PDZD4: variants seen among roughly 807,000 people sequenced by gnomAD.
The protein encoded by PDZD4 is PDZ domain containing 4, also known as PDZ domain-containing protein 4.
Under a neutral mutation model 38.5 loss-of-function variants are expected in PDZD4, and 9 were observed. The observed-to-expected ratio is 0.23, with a 90% CI of 0.14 to 0.41. PDZD4 has a LOEUF of 0.41. Ranked by LOEUF, PDZD4 falls within the 10% of genes least tolerant of loss-of-function variation. The pLI is 1.00. For missense variants in PDZD4, 612 were observed against 722.0 expected, an observed-to-expected ratio of 0.85 and a Z score of 1.75; for synonymous variants, 349 against 315.7, an observed-to-expected ratio of 1.11 and a Z score of -1.12.
intron 1 of PDZD4, among the ~76,000 whole-genome samples, chrX:153,818,617 C>G (rs1052019978): frequency 9.3e-6 from 1 of 107,791 alleles, no homozygotes; most frequent in African/African-American, 3.4e-5. Flanking sequence ...GGAGGGAAGC[C>G]GAGGAGCTGC....
At chrX:153,820,799 T>C (rs1557081135) in intron 1 of PDZD4, among the ~76,000 whole-genome samples, 1 of 111,443 alleles carries the variant, frequency 9.0e-6, no homozygotes, top group Non-Finnish European at 1.9e-5. Flanking sequence ...CAGCCCTGCA[T>C]CTGGCGGCTG....
intron 1 of PDZD4, chrX:153,829,990 C>T: frequency 1.3e-6 from 1 of 752,251 alleles, no homozygotes; most frequent in Non-Finnish European, 1.7e-6. Flanking sequence ...CATCCCGCGC[C>T]CGCCGCACCG....
intron 1 of PDZD4, among the ~76,000 whole-genome samples, chrX:153,817,370 G>A (rs782682570): frequency 8.9e-6 from 1 of 111,960 alleles, no homozygotes; most frequent in East Asian, 2.8e-4. Flanking sequence ...ACCAAGACTC[G>A]GAGGCAACCC....
At position 153,804,326 on chromosome X, in the gene PDZD4, C is replaced by G; in HGVS notation, c.1355G>C (p.Ser452Thr). 2 of 1,207,285 alleles carry G rather than the reference C, an allele frequency of 1.7e-6. No homozygotes were observed. The highest frequency in any genetic ancestry group is 2.2e-6 in the Non-Finnish European group (2 of 894,380). The change falls in exon 8 of 8, where the codon AGC becomes ACC. Residue 452 changes from serine (S) to threonine (T), a missense_variant. Physicochemically the swap from Ser to Thr is moderately conservative, Grantham distance 58. Coordinates refer to ENST00000393758, the MANE Select transcript of PDZD4 (RefSeq NM_001303512.2). ...GGACAGCTCGTGCTTCTTGGGCTCG[C>G]TGGCCGCCAGGTCGTAGAGGCTCTC... ...EEESLYDLAASEPKKHELSDI... is the reference protein window; with the variant it reads ...EEESLYDLAATEPKKHELSDI...
Position 153,804,208 on chromosome X carries a change from C to T in PDZD4, c.1473G>A (p.Glu491=). ...ESCRSTPLLV[E]PLPESPLRRA... ...GCCGCAGGGGGCTCTCGGGCAGGGG[C>T]TCCACAAGCAGCGGGGTGCTGCGGC... is the stretch of plus-strand genomic sequence containing the variant. The change falls in exon 8 of 8, where the codon GAG becomes GAA. Residue 491 remains glutamate, a synonymous_variant. Transcript: ENST00000393758. 1 of 1,203,097 alleles carries T rather than the reference C, an allele frequency of 8.3e-7. No homozygotes were observed. The highest frequency in any genetic ancestry group is 1.1e-6 in the Non-Finnish European group (1 of 891,490).
At position 153,804,424 on chromosome X, in the gene PDZD4, G is replaced by T; in HGVS notation, c.1257C>A (p.Cys419Ter). ...TCTTCTGCGCCCGCAGTATGTTGCG[G>T]CACTTGAATTCCAGGTGCCTTAGCT... ...EEELRHLEFK[C>*]RNILRAQKMQ... Residue 419 changes from cysteine to a stop codon, truncating the protein, a stop_gained, in exon 8 of 8, where the codon TGC becomes TGA. Transcript: ENST00000393758. LOFTEE classifies it high-confidence loss of function. The T allele has an allele frequency of 8.3e-7, 1 of 1,210,034 alleles. No homozygotes were observed.
chrX:153,808,494 G>C lies in PDZD4; in HGVS notation c.162C>G (p.Pro54=), dbSNP rs1557077998. Residue 54 remains proline (P), a synonymous_variant, in exon 2 of 8, where the codon CCC becomes CCG. Coordinates refer to ENST00000393758, the MANE Select transcript of PDZD4 (RefSeq NM_001303512.2). Reference sequence around the variant, plus strand: ...GACAGGAGCTGTCCCCCCGGAGGCGGGGGCTGCGTCTCAGCACCTGGATCA... The same window carrying C: ...GACAGGAGCTGTCCCCCCGGAGGCGCGGGCTGCGTCTCAGCACCTGGATCA... ...PLVIQVLRRS[P]RLRGDSSCHD... is the part of the protein sequence containing the mutation. The C allele has an allele frequency of 2.5e-6, 3 of 1,210,790 alleles. No homozygotes were observed. Among genetic ancestry groups the C allele is most frequent in the Admixed American group, 2.2e-5 (1 of 46,079 alleles).
chrX:153,826,990 T>G (rs2064488923), intron 1 of PDZD4, among the ~76,000 whole-genome samples: 1 of 112,039 alleles, frequency 8.9e-6, no homozygotes, highest in Admixed American at 9.5e-5. Context: ...GAAATTAATA[T>G]GGAAACTTGA....
At chrX:153,819,407 G>C (rs1312635054) in intron 1 of PDZD4, among the ~76,000 whole-genome samples, 1 of 112,773 alleles carries the variant, frequency 8.9e-6, no homozygotes, top group Non-Finnish European at 1.9e-5. Flanking sequence ...AATCCCAAGT[G>C]CTTGTCACAC....
At chrX:153,814,833 C>T (rs782038717) in intron 1 of PDZD4, among the ~76,000 whole-genome samples, 52 of 111,674 alleles carry the variant, frequency 4.7e-4, no homozygotes, top group Admixed American at 6.6e-4. Flanking sequence ...GAGGTCACCC[C>T]GTGGCAGTCA....
rs1350662054 is a variant in PDZD4 at position 153,804,075 on chromosome X, G to A, written c.1606C>T (p.Leu536Phe). ...PPGSPAKFRS[L>F]SRDPEAGRRQ... is the part of the protein sequence containing the mutation. ...CGGCCGGCCTCAGGATCCCGGGAGA[G>A]GGACCGGAACTTGGCGGGGCTCCCC... The change falls in exon 8 of 8, where the codon CTC (leucine) becomes TTC (phenylalanine). Residue 536 changes from leucine (L) to phenylalanine (F), a missense_variant. Leu to Phe is a conservative substitution (Grantham distance 22). Transcript: ENST00000393758. 8.6e-7 allele frequency: 1 copy of A among 1,157,221 alleles called. No individual in the cohort carries two copies. The highest frequency in any genetic ancestry group is 1.1e-6 in the Non-Finnish European group (1 of 871,578).
intron 1 of PDZD4, among the ~76,000 whole-genome samples, chrX:153,821,123 A>C (rs1289083510): frequency 5.4e-5 from 6 of 111,787 alleles, no homozygotes; most frequent in Non-Finnish European, 9.4e-5. Context: ...CACGCCCCCA[A>C]CTGTGGCCTC....
chrX:153,816,292 G>T (rs998976851), intron 1 of PDZD4, among the ~76,000 whole-genome samples: 1 of 109,193 alleles, frequency 9.2e-6, no homozygotes. Flanking sequence ...GGGGGTCGTG[G>T]TGGGCATGGG....
In PDZD4 at chrX:153,802,304, C is replaced by G. The variant is rs2092177063; in HGVS notation, c.*1049G>C. 8.9e-6 allele frequency: 1 copy of G among 112,050 alleles called. No individual in the cohort carries two copies. The highest frequency in any genetic ancestry group is 9.4e-5 in the Admixed American group (1 of 10,635). 9.2% of individuals were successfully genotyped at this position (112,050 alleles called of 1,213,427 possible). ...GGCAGCCTAGTTCACACGTGCAAATCCTGAGGAGGTTGGGGGCCTCTCCTT... is the reference window on the plus strand; with the variant it reads ...GGCAGCCTAGTTCACACGTGCAAATGCTGAGGAGGTTGGGGGCCTCTCCTT... On this transcript the variant is annotated 3_prime_UTR_variant, in exon 8 of 8. Transcript: ENST00000393758.
At chrX:153,806,626 G>A (rs1312219712) in intron 4 of PDZD4, 116 bp downstream of exon 4, 54 of 639,524 alleles carry the variant, frequency 8.4e-5, no homozygotes, top group African/African-American at 4.0e-4. Flanking sequence ...GCCTCACCAC[G>A]CAGCACCCTA....
Position 153,805,125 on chromosome X carries a change from C to G in PDZD4, c.752G>C (p.Arg251Pro), listed in dbSNP as rs1603261203. 4.1e-6 allele frequency: 5 copies of G among 1,211,193 alleles called. No homozygotes were observed. The highest frequency in any genetic ancestry group is 5.6e-6 in the Non-Finnish European group (5 of 895,165). ...CTGGGCAGGGGGTGATTTCAGTTTA[C>G]GAGCACGCAGCTCCCCCTCATTCTC... is the stretch of plus-strand genomic sequence containing the variant. Reference protein sequence around the residue: ...GSENEGELRARKLKSPPAQQP... With the variant: ...GSENEGELRAPKLKSPPAQQP... Residue 251 changes from arginine (R) to proline (P), a missense_variant, in exon 7 of 8, where the codon CGT (arginine) becomes CCT (proline). Arg to Pro is a moderately radical substitution (Grantham distance 103). Around this residue, in one of 3 missense-constraint regions of PDZD4, gnomAD observed 225 missense variants for 311.0 expected, o/e 0.72. Transcript: ENST00000393758.
At chrX:153,816,070 C>T (rs967467690) in intron 1 of PDZD4, among the ~76,000 whole-genome samples, 9 of 99,053 alleles carry the variant, frequency 9.1e-5, no homozygotes, top group African/African-American at 1.4e-4. Context: ...CCGAGGGAGC[C>T]GGTGCCCACC....
intron 7 of PDZD4, 60 bp from the exon 8 acceptor site, chrX:153,804,960 G>A: frequency 2.6e-6 from 3 of 1,144,819 alleles, no homozygotes; most frequent in Non-Finnish European, 3.5e-6. Context: ...GTCACGGGAT[G>A]TCACAGGAGG....
At chrX:153,817,805 G>A (rs1557080319) in intron 1 of PDZD4, among the ~76,000 whole-genome samples, 1 of 112,153 alleles carries the variant, frequency 8.9e-6, no homozygotes, top group Non-Finnish European at 1.9e-5. Context: ...GGAAATGGAA[G>A]GTTTTTATCT....
Sources: allele counts gnomAD v4.1 joint callset (sites outside exome capture counted in the v4.1 genomes callset), GRCh38; gene constraint gnomAD v4.1.1; regional missense constraint gnomAD v4.1.1; transcripts MANE v1.5; gene names NCBI Gene and HGNC (gene_info 2026-07-23, HGNC 2026-07-21).